IRAG2: variants seen among roughly 807,000 people sequenced by gnomAD.
IRAG2 encodes the protein lymphoid restricted membrane protein.
A neutral mutation model predicts 69.9 loss-of-function variants in IRAG2; 45 were observed. The observed-to-expected ratio is 0.64, with a 90% CI of 0.51 to 0.83. IRAG2 has a LOEUF of 0.83. IRAG2 is among the 40% of genes least tolerant of loss of function. The pLI, the probability that IRAG2 is intolerant of heterozygous loss-of-function variation, is 0.00. For missense variants in IRAG2, 520 were observed against 587.0 expected, an observed-to-expected ratio of 0.89 and a Z score of 1.18; for synonymous variants, 193 against 202.4, an observed-to-expected ratio of 0.95 and a Z score of 0.40.
At chr12:25,016,128 G>A (rs1347593612) in intron 5 of IRAG2, among the ~76,000 whole-genome samples, 1 of 152,024 alleles carries the variant, frequency 6.6e-6, no homozygotes, top group Non-Finnish European at 1.5e-5. Context: ...CCCGGAAGGT[G>A]GAGATTGCAG....
At chr12:25,042,873 A>G (rs1362632071) in intron 16 of IRAG2, among the ~76,000 whole-genome samples, 1 of 152,142 alleles carries the variant, frequency 6.6e-6, no homozygotes, top group African/African-American at 2.4e-5. Context: ...AAGTGTGAGT[A>G]TTAATAAATA....
intron 6 of IRAG2, among the ~76,000 whole-genome samples, chr12:25,077,417 ATAGT>A (rs1265062922): frequency 3.1e-5 from 4 of 128,166 alleles, no homozygotes; most frequent in African/African-American, 1.2e-4. Flanking sequence ...ACATAATAGT[ATAGT>A]TAAATAAACA....
At chr12:25,038,670 G>A (rs911577836) in intron 16 of IRAG2, among the ~76,000 whole-genome samples, 2 of 151,554 alleles carry the variant, frequency 1.3e-5, no homozygotes, top group African/African-American at 4.8e-5. Flanking sequence ...GTGGAAACCA[G>A]TATACTGAGT....
intron 16 of IRAG2, among the ~76,000 whole-genome samples, chr12:25,045,021 G>A (rs1487255076): frequency 5.3e-5 from 8 of 151,948 alleles, no homozygotes; most frequent in Admixed American, 1.3e-4. Flanking sequence ...AAAACAAAGA[G>A]TAACAAATTT....
intron 1 of IRAG2, among the ~76,000 whole-genome samples, chr12:25,054,247 C>A (rs1008125164): frequency 6.6e-6 from 1 of 152,136 alleles, no homozygotes; most frequent in Non-Finnish European, 1.5e-5. Flanking sequence ...TACTACTGCT[C>A]AGAGGGCATT....
chr12:25,011,384 G>A, exon 3 of IRAG2: 2 of 1,231,672 alleles, frequency 1.6e-6, no homozygotes, highest in Non-Finnish European at 2.0e-6. Flanking sequence ...CAGTCGGAGT[G>A]GCCAAAATAA....
At chr12:24,999,605 T>C, upstream of IRAG2, among the ~76,000 whole-genome samples, 1 of 152,216 alleles carries the variant, frequency 6.6e-6, no homozygotes, top group African/African-American at 2.4e-5. Context: ...CTAACAGATT[T>C]ATAGTTCCAC....
intron 12 of IRAG2, among the ~76,000 whole-genome samples, chr12:25,032,651 A>C (rs1303484603): frequency 1.3e-5 from 2 of 152,204 alleles, no homozygotes; most frequent in African/African-American, 4.8e-5. Context: ...TCAGGATGCC[A>C]GCAGGGTTGA....
exon 8 of IRAG2, chr12:25,023,896 T>C: frequency 8.1e-7 from 1 of 1,228,564 alleles, no homozygotes; most frequent in East Asian, 3.2e-5. Flanking sequence ...GCTCTGATTC[T>C]TAAGATTCGG....
chr12:25,012,517 C>A (rs1944485095), intron 3 of IRAG2, among the ~76,000 whole-genome samples: 1 of 151,990 alleles, frequency 6.6e-6, no homozygotes, highest in African/African-American at 2.4e-5. Context: ...TCTGCTGATG[C>A]ATGCTAGGAT....
At chr12:25,075,518 ATG>A (rs1491371609) in intron 6 of IRAG2, among the ~76,000 whole-genome samples, 1 of 113,434 alleles carries the variant, frequency 8.8e-6, no homozygotes, top group Non-Finnish European at 1.8e-5. Flanking sequence ...GTGTGTGTGT[ATG>A]CGTGTGTGTG....
intron 1 of IRAG2, among the ~76,000 whole-genome samples, chr12:25,055,506 G>C (rs1007152513): frequency 1.3e-5 from 2 of 152,050 alleles, no homozygotes; most frequent in Non-Finnish European, 1.5e-5. Flanking sequence ...TGTGTACAAC[G>C]TGCAGGTTTG....
chr12:25,108,073 CTAATATATGGATCTTGATTTTT>C lies in IRAG2; in HGVS notation c.*14_*35del. On this transcript the variant is annotated 3_prime_UTR_variant, in exon 22 of 22. Coordinates refer to ENST00000556887, the MANE Select transcript of IRAG2 (RefSeq NM_001366544.2). ...ACCACCAGTGTGACAGCAGGACATCCTAATATATGGATCTTGATTTTTAAGTTTCAGTATCTGAACTTCGTAA... is the reference window on the plus strand; with the variant it reads ...ACCACCAGTGTGACAGCAGGACATCCAAGTTTCAGTATCTGAACTTCGTAA... 1.2e-6 allele frequency: 2 copies of C among 1,608,762 alleles called. No homozygotes were observed. Among genetic ancestry groups the C allele is most frequent in the Non-Finnish European group, 1.7e-6 (2 of 1,176,184 alleles).
intron 3 of IRAG2, 46 bp from the exon 4 acceptor site, chr12:25,063,674 T>A: frequency 2.5e-6 from 1 of 397,604 alleles, no homozygotes; most frequent in Non-Finnish European, 4.4e-6. Flanking sequence ...ATGAAATATA[T>A]GTTACATTCC....
chr12:25,022,675 G>T (rs1350626685), intron 7 of IRAG2, among the ~76,000 whole-genome samples: 1 of 152,184 alleles, frequency 6.6e-6, no homozygotes. Context: ...AAATGTAATA[G>T]AGCAATAAAG....
chr12:25,042,384 C>G (rs548133876), intron 16 of IRAG2, among the ~76,000 whole-genome samples: 1 of 152,076 alleles, frequency 6.6e-6, no homozygotes, highest in Non-Finnish European at 1.5e-5. Flanking sequence ...TAATATATAC[C>G]TCTTTACATG....
At position 25,084,540 on chromosome 12, in the gene IRAG2, GGT is replaced by G. The variant is rs34550767; in HGVS notation, c.315+1074_315+1075del. Among the ~76,000 whole-genome samples, 962 of 147,222 alleles carry G rather than the reference GGT, an allele frequency of 6.5e-3. 11 individuals carry two copies. Among genetic ancestry groups the G allele is most frequent in the African/African-American group, 0.021 (838 of 40,204 alleles). The stretch of plus-strand genomic sequence containing the variant: ...TCTTGCTATGTTGTATGCATGGAGG[GGT>G]GTGTGTGTGTGTGTGTGTGTGTGTG... On this transcript the variant is annotated intron_variant, in intron 10 of 21. Coordinates refer to ENST00000556887, the MANE Select transcript of IRAG2 (RefSeq NM_001366544.2).
chr12:25,044,551 C>T (rs1474181536), intron 16 of IRAG2, among the ~76,000 whole-genome samples: 1 of 152,016 alleles, frequency 6.6e-6, no homozygotes, highest in African/African-American at 2.4e-5. Flanking sequence ...GATTTAAGTA[C>T]ATACATAAAC....
At position 25,096,980 on chromosome 12, in the gene IRAG2, AGTT is replaced by A; in HGVS notation, c.678_680del (p.Lys226_Phe227delinsAsn). ...ATTAAGAAGCTGGAGAAGAGTATAA[AGTT>A]TCTTAGCCAGTGTGCAGCACGAGTG... On this transcript the variant is annotated inframe_deletion, in exon 15 of 22. Transcript: ENST00000556887. 1 of 1,613,938 alleles carries A rather than the reference AGTT, an allele frequency of 6.2e-7. No individual in the cohort carries two copies. The highest frequency in any genetic ancestry group is 8.5e-7 in the Non-Finnish European group (1 of 1,179,844).
Sources: gnomAD v4.1 joint callset for allele counts (sites outside exome capture counted in the v4.1 genomes callset) on GRCh38, gnomAD v4.1.1 for gene constraint, MANE v1.5 for transcripts, NCBI Gene and HGNC (gene_info 2026-07-23, HGNC 2026-07-21) for gene names.